XKR4: variants seen among roughly 807,000 people sequenced by gnomAD.
The protein encoded by XKR4 is XK related 4, also known as XK-related protein 4.
Under a neutral mutation model 53.9 loss-of-function variants are expected in XKR4, and 12 were observed. That is an observed-to-expected ratio of 0.22 (90% CI 0.14 to 0.36). The LOEUF (loss-of-function observed/expected upper bound fraction) is 0.36. Ranked by LOEUF, XKR4 falls within the 10% of genes least tolerant of loss-of-function variation. XKR4 has a pLI of 1.00. For synonymous variants in XKR4, 354 were observed against 362.4 expected, an observed-to-expected ratio of 0.98 and a Z score of 0.26; for missense variants, 799 against 859.5, an observed-to-expected ratio of 0.93 and a Z score of 0.88.
At chr8:55,449,253 G>A (rs1462512863) in intron 2 of XKR4, among the ~76,000 whole-genome samples, 2 of 152,146 alleles carry the variant, frequency 1.3e-5, no homozygotes, top group African/African-American at 2.4e-5. Flanking sequence ...CCAGCTGGCT[G>A]GACTATTTAC....
chr8:55,364,008 A>C (rs1298305271), intron 2 of XKR4, among the ~76,000 whole-genome samples: 2 of 152,210 alleles, frequency 1.3e-5, no homozygotes, highest in Non-Finnish European at 2.9e-5. Flanking sequence ...ATCTGGGTGC[A>C]TTCCAGACTG....
intron 1 of XKR4, among the ~76,000 whole-genome samples, chr8:55,132,135 T>C (rs563210322): frequency 2.2e-4 from 34 of 152,326 alleles, no homozygotes; most frequent in Middle Eastern, 3.4e-3. Flanking sequence ...GGGTTCAATT[T>C]ATTGAGCTTG....
rs560634277 is a variant in XKR4 at position 55,464,996 on chromosome 8, C to G, written c.1007-58285C>G. ...TCAGTGAAATAAAAGAGGATACAAA[C>G]AAATGGAAGAACATTCCATGCTCAT... is the stretch of plus-strand genomic sequence containing the variant. On this transcript the variant is annotated intron_variant, in intron 2 of 2. Coordinates refer to ENST00000327381, the MANE Select transcript of XKR4 (RefSeq NM_052898.2). Among the ~76,000 whole-genome samples, 907 of 152,092 alleles carry G rather than the reference C, an allele frequency of 6.0e-3. 12 individuals are homozygous for G. The highest frequency in any genetic ancestry group is 0.014 in the African/African-American group (591 of 41,412).
intron 1 of XKR4, among the ~76,000 whole-genome samples, chr8:55,238,942 T>C (rs919466496): frequency 3.3e-5 from 5 of 152,208 alleles, no homozygotes; most frequent in African/African-American, 1.2e-4. Context: ...TCTCTATCTA[T>C]CTGACTTTAA....
At chr8:55,327,650 T>TGTGTCTTTTAATACATATAAGTATAGC (rs1803313843) in intron 1 of XKR4, among the ~76,000 whole-genome samples, 1 of 152,354 alleles carries the variant, frequency 6.6e-6, no homozygotes, top group Admixed American at 6.5e-5. Flanking sequence ...AAATAGTATT[T>TGTGTCTTTTAATACATATAAGTATAGC]GTGTCTTTTA....
At chr8:55,361,413 C>T (rs1475519684) in intron 2 of XKR4, among the ~76,000 whole-genome samples, 1 of 152,138 alleles carries the variant, frequency 6.6e-6, no homozygotes, top group Non-Finnish European at 1.5e-5. Flanking sequence ...TGCTCTCTAC[C>T]TGTTTAGTGA....
rs2129398461 is a variant in XKR4 at position 55,463,307 on chromosome 8, C to A, written c.1007-59974C>A. The stretch of plus-strand genomic sequence containing the variant: ...ACCATAGTGCAATCAAACTGGAACT[C>A]AGGATTAAGAAACTCACTCAAAACT... On this transcript the variant is annotated intron_variant, in intron 2 of 2. Coordinates refer to ENST00000327381, the MANE Select transcript of XKR4 (RefSeq NM_052898.2). Among the ~76,000 whole-genome samples the A allele has an allele frequency of 1.3e-5, 2 of 152,184 alleles. 1 individual carries two copies. Among genetic ancestry groups the A allele is most frequent in the African/African-American group, 4.8e-5 (2 of 41,532 alleles).
chr8:55,346,361 G>C (rs956449836), intron 1 of XKR4, among the ~76,000 whole-genome samples: 3 of 152,126 alleles, frequency 2.0e-5, no homozygotes, highest in Admixed American at 6.5e-5. Flanking sequence ...GCTGGGATTA[G>C]AGGCGTGAGC....
At chr8:55,178,147 G>A (rs1042892958) in intron 1 of XKR4, among the ~76,000 whole-genome samples, 1 of 152,234 alleles carries the variant, frequency 6.6e-6, no homozygotes, top group East Asian at 1.9e-4. Context: ...AAAGCGATAA[G>A]AAGCATTAGA....
chr8:55,322,249 C>T (rs1158165947), intron 1 of XKR4, among the ~76,000 whole-genome samples: 5 of 152,120 alleles, frequency 3.3e-5, no homozygotes, highest in African/African-American at 9.7e-5. Context: ...CTTTTTCACT[C>T]GAGTATGTTT....
At chr8:55,141,165 C>G (rs1405490350) in intron 1 of XKR4, among the ~76,000 whole-genome samples, 1 of 151,428 alleles carries the variant, frequency 6.6e-6, no homozygotes, top group Non-Finnish European at 1.5e-5. Flanking sequence ...AACCACTAAT[C>G]TTTCTATTTC....
chr8:55,258,606 T>C (rs1357742696), intron 1 of XKR4, among the ~76,000 whole-genome samples: 2 of 152,216 alleles, frequency 1.3e-5, no homozygotes, highest in Non-Finnish European at 2.9e-5. Context: ...AAGCACTTAG[T>C]CTGATGTCTG....
intron 1 of XKR4, among the ~76,000 whole-genome samples, chr8:55,310,191 A>G (rs965644189): frequency 6.6e-6 from 1 of 152,320 alleles, no homozygotes; most frequent in African/African-American, 2.4e-5. Flanking sequence ...ACTTAAAAAT[A>G]TATTTCTTTG....
At chr8:55,329,468 G>A (rs1004351535) in intron 1 of XKR4, among the ~76,000 whole-genome samples, 1 of 151,480 alleles carries the variant, frequency 6.6e-6, no homozygotes, top group African/African-American at 2.4e-5. Context: ...TTCCAATGTG[G>A]CCCAGGGAAG....
At chr8:55,435,725 C>T (rs1805167135) in intron 2 of XKR4, among the ~76,000 whole-genome samples, 1 of 151,790 alleles carries the variant, frequency 6.6e-6, no homozygotes, top group South Asian at 2.1e-4. Flanking sequence ...TATGCCACCA[C>T]ACCTAATTTT....
At chr8:55,203,727 T>C (rs1817606527) in intron 1 of XKR4, among the ~76,000 whole-genome samples, 1 of 152,108 alleles carries the variant, frequency 6.6e-6, no homozygotes, top group African/African-American at 2.4e-5. Context: ...CTGCTATCTT[T>C]TAAACTCCCC....
intron 1 of XKR4, among the ~76,000 whole-genome samples, chr8:55,266,273 TA>T (rs1312550909): frequency 1.3e-5 from 2 of 151,914 alleles, no homozygotes; most frequent in African/African-American, 4.8e-5. Context: ...TGGGGCTTTC[TA>T]GGGGTATGGA....
intron 2 of XKR4, chr8:55,452,464 G>A (rs1408499610): frequency 1.3e-5 from 8 of 629,866 alleles, no homozygotes; most frequent in Non-Finnish European, 2.3e-5. Flanking sequence ...CCCTCCTCAC[G>A]CCCATCCGGT....
rs551792783 is a variant in XKR4, at chr8:55,425,501, A to T, written c.1006+67624A>T. ...TCCAGCCTTGATCCTTCTGAGCCTC[A>T]GGCTATCACATGCTACTTCCTTTAA... On this transcript the variant is annotated intron_variant, in intron 2 of 2. Coordinates refer to ENST00000327381, the MANE Select transcript of XKR4 (RefSeq NM_052898.2). 7.3e-4 allele frequency among the ~76,000 whole-genome samples: 111 copies of T among 152,308 alleles called. 1 individual carries two copies. Among genetic ancestry groups the T allele is most frequent in the South Asian group, 5.8e-3 (28 of 4,820 alleles).
Sources: gnomAD v4.1 joint callset for allele counts (sites outside exome capture counted in the v4.1 genomes callset) on GRCh38, gnomAD v4.1.1 for gene constraint, MANE v1.5 for transcripts, NCBI Gene and HGNC (gene_info 2026-07-23, HGNC 2026-07-21) for gene names.